Variants in BMP10 observed in about 807,000 individuals in gnomAD.
The protein encoded by BMP10 is bone morphogenetic protein 10.
In BMP10, 9 loss-of-function variants were observed where a neutral mutation model predicts 29.9. The ratio of observed to expected loss-of-function variants is 0.30; its 90% CI spans 0.18 to 0.53. The LOEUF (loss-of-function observed/expected upper bound fraction) is 0.53, where lower values mean the gene tolerates loss of function less well. BMP10 is among the 20% of genes least tolerant of loss of function. The pLI is 0.96. For synonymous variants in BMP10, 202 were observed against 200.2 expected, an observed-to-expected ratio of 1.01 and a Z score of -0.07; for missense variants, 474 against 524.3, an observed-to-expected ratio of 0.90 and a Z score of 0.94.
chr2:68,869,234 A>AGCAGTCCTAGGAATTGAGG (rs71245652), intron 1 of BMP10, among the ~76,000 whole-genome samples: 3 of 151,814 alleles, frequency 2.0e-5, no homozygotes, highest in Admixed American at 1.3e-4. Flanking sequence ...GTGATAAAGG[A>AGCAGTCCTAGGAATTGAGG]GCACGCTTTT....
At position 68,862,317 on chromosome 2, in the gene BMP10, A is replaced by G. The variant is rs953527569; in HGVS notation, c.*3314T>C. On this transcript the variant is annotated 3_prime_UTR_variant, in exon 2 of 2. Coordinates refer to ENST00000295379, the MANE Select transcript of BMP10 (RefSeq NM_014482.3). Reference sequence around the variant, plus strand: ...TTCCTTAAACCAATAGAATATTCTGATGCAAAAAGAGAGAGATGGAAATAC... The same window carrying G: ...TTCCTTAAACCAATAGAATATTCTGGTGCAAAAAGAGAGAGATGGAAATAC... Among the ~76,000 whole-genome samples the G allele has an allele frequency of 1.1e-4, 17 of 152,200 alleles. No homozygotes were observed. The highest frequency in any genetic ancestry group is 4.1e-4 in the African/African-American group (17 of 41,438).
At chr2:68,867,597 C>T (rs1037801724) in intron 1 of BMP10, among the ~76,000 whole-genome samples, 1 of 152,160 alleles carries the variant, frequency 6.6e-6, no homozygotes. Flanking sequence ...TCACAGTGAG[C>T]CCAAAGCTCC....
At position 68,866,588 on chromosome 2, in the gene BMP10, G is replaced by C. The variant is rs766182184; in HGVS notation, c.335-17C>G. 6.3e-7 allele frequency: 1 copy of C among 1,590,990 alleles called. No homozygotes were observed. The highest frequency in any genetic ancestry group is 1.1e-5 in the South Asian group (1 of 89,308). On this transcript the variant is annotated splice_polypyrimidine_tract_variant and intron_variant, in intron 1 of 1. Transcript: ENST00000295379. ...AAAACAGATCTGAAAAAAGAAATTTGCAAAAATCAGGTTTGCAGTGGGTCT... is the reference window on the plus strand; with the variant it reads ...AAAACAGATCTGAAAAAAGAAATTTCCAAAAATCAGGTTTGCAGTGGGTCT...
At position 68,863,482 on chromosome 2, in the gene BMP10, A is replaced by C. The variant is rs910871035; in HGVS notation, c.*2149T>G. ...ATACATTGTGTACCATGGAGTATGA[A>C]GGATGCACCACGTTCCACTGAGGGT... On this transcript the variant is annotated 3_prime_UTR_variant, in exon 2 of 2. Transcript: ENST00000295379. 6.6e-6 allele frequency among the ~76,000 whole-genome samples: 1 copy of C among 152,200 alleles called. No homozygotes were observed. Among genetic ancestry groups the C allele is most frequent in the Admixed American group, 6.5e-5 (1 of 15,280 alleles).
At chr2:68,869,878 T>C (rs1683036866) in intron 1 of BMP10, among the ~76,000 whole-genome samples, 1 of 152,232 alleles carries the variant, frequency 6.6e-6, no homozygotes, top group African/African-American at 2.4e-5. Flanking sequence ...CACTAAAGTT[T>C]GATCAGCACT....
chr2:68,869,922 C>T (rs761225162), intron 1 of BMP10, among the ~76,000 whole-genome samples: 3 of 152,068 alleles, frequency 2.0e-5, no homozygotes, highest in Non-Finnish European at 4.4e-5. Flanking sequence ...TATCTGTAAC[C>T]TCCTTTGAGT....
At position 68,866,581 on chromosome 2, in the gene BMP10, G is replaced by A. The variant is rs933745971; in HGVS notation, c.335-10C>T. On this transcript the variant is annotated splice_polypyrimidine_tract_variant and intron_variant, in intron 1 of 1. Transcript: ENST00000295379. The stretch of plus-strand genomic sequence containing the variant: ...GGCTGGGAAAACAGATCTGAAAAAA[G>A]AAATTTGCAAAAATCAGGTTTGCAG... The A allele has an allele frequency of 2.5e-6, 4 of 1,595,752 alleles. No homozygotes were observed. Among genetic ancestry groups the A allele is most frequent in the Admixed American group, 3.4e-5 (2 of 58,160 alleles).
rs1682851186 is a variant in BMP10 at position 68,861,373 on chromosome 2, CA to C, written c.*4257del. ...ATAAAAACATGCTGATCACAACAAA[CA>C]GTTATTCCATGATGGGTTTTTAACT... On this transcript the variant is annotated 3_prime_UTR_variant, in exon 2 of 2. Coordinates refer to ENST00000295379, the MANE Select transcript of BMP10 (RefSeq NM_014482.3). Among the ~76,000 whole-genome samples, 1 of 152,222 alleles carries C rather than the reference CA, an allele frequency of 6.6e-6. No individual in the cohort carries two copies. The highest frequency in any genetic ancestry group is 2.1e-4 in the South Asian group (1 of 4,834).
At chr2:68,867,710 A>T (rs1366774899) in intron 1 of BMP10, among the ~76,000 whole-genome samples, 1 of 151,982 alleles carries the variant, frequency 6.6e-6, no homozygotes, top group African/African-American at 2.4e-5. Flanking sequence ...AGGACCACCA[A>T]CTGGGGGTTC....
Position 68,871,113 on chromosome 2 carries a change from T to C in BMP10, c.246A>G (p.Pro82=). 3.7e-6 allele frequency: 6 copies of C among 1,614,184 alleles called. No homozygotes were observed. Among genetic ancestry groups the C allele is most frequent in the Non-Finnish European group, 4.2e-6 (5 of 1,180,026 alleles). Residue 82 remains proline (P), a synonymous_variant, in exon 1 of 2, where the codon CCA becomes CCG. Transcript: ENST00000295379. ...TGTTGTAGAGTTCCAACATGTACTC[T>C]GGTGGGTCCACCTTGGCTGAATCCT... ...PTQDSAKVDP[P]EYMLELYNKF...
chr2:68,864,963 G>T lies in BMP10; in HGVS notation c.*668C>A, dbSNP rs1682924462. ...TGTTTTCCTGCCTTGACCAGGAGTT[G>T]CCCTCTGGAGCACATTGGTCCTCCA... On this transcript the variant is annotated 3_prime_UTR_variant, in exon 2 of 2. Transcript: ENST00000295379. 6.6e-6 allele frequency among the ~76,000 whole-genome samples: 1 copy of T among 152,150 alleles called. No homozygotes were observed. Among genetic ancestry groups the T allele is most frequent in the African/African-American group, 2.4e-5 (1 of 41,438 alleles).
At position 68,863,391 on chromosome 2, in the gene BMP10, G is replaced by A. The variant is rs1682897884; in HGVS notation, c.*2240C>T. ...AACCAGGACTATCCTGGTCAGCTGAGGTTTTACTGTGTATGTATTACAGTG... is the reference window on the plus strand; with the variant it reads ...AACCAGGACTATCCTGGTCAGCTGAAGTTTTACTGTGTATGTATTACAGTG... On this transcript the variant is annotated 3_prime_UTR_variant, in exon 2 of 2. Coordinates refer to ENST00000295379, the MANE Select transcript of BMP10 (RefSeq NM_014482.3). 6.6e-6 allele frequency among the ~76,000 whole-genome samples: 1 copy of A among 152,118 alleles called. No homozygotes were observed. Among genetic ancestry groups the A allele is most frequent in the Non-Finnish European group, 1.5e-5 (1 of 68,014 alleles).
rs377683224 is a variant in BMP10, at chr2:68,871,072, C to T, written c.287G>A (p.Arg96Gln). ...GATGTTGGCAGAGGGCATGGAGGTC[C>T]GATCTGTTGCAAATTTGTTGTAGAG... ...LELYNKFATD[R>Q]TSMPSANIIR... Residue 96 changes from arginine (R) to glutamine (Q), a missense_variant, in exon 1 of 2, where the codon CGG becomes CAG. This residue lies in a region of BMP10 where 408 missense variants were observed against 415.3 expected (regional missense o/e 0.98). Transcript: ENST00000295379. 33 of 1,613,856 alleles carry T rather than the reference C, an allele frequency of 2.0e-5. No homozygotes were observed. The highest frequency in any genetic ancestry group is 1.6e-4 in the East Asian group (7 of 44,902).
rs79304473 is a variant in BMP10 at position 68,864,543 on chromosome 2, G to C, written c.*1088C>G. ...AAGAGCAGGGACACAGGGATGGGAG[G>C]AAGGTGAGAGGCACTAGGGCCAAGA... is the stretch of plus-strand genomic sequence containing the variant. On this transcript the variant is annotated 3_prime_UTR_variant, in exon 2 of 2. Transcript: ENST00000295379. 3.3e-3 allele frequency among the ~76,000 whole-genome samples: 504 copies of C among 152,214 alleles called. 2 individuals are homozygous for C. Among genetic ancestry groups the C allele is most frequent in the African/African-American group, 0.011 (470 of 41,536 alleles).
At position 68,861,451 on chromosome 2, in the gene BMP10, G is replaced by C. The variant is rs1682852434; in HGVS notation, c.*4180C>G. 6.6e-6 allele frequency among the ~76,000 whole-genome samples: 1 copy of C among 152,162 alleles called. No individual in the cohort carries two copies. Among genetic ancestry groups the C allele is most frequent in the African/African-American group, 2.4e-5 (1 of 41,438 alleles). ...CACCCCTGTGTACTTCTCTTCCATA[G>C]TCACATCTACCTTCCATTTAATGTA... On this transcript the variant is annotated 3_prime_UTR_variant, in exon 2 of 2. Coordinates refer to ENST00000295379, the MANE Select transcript of BMP10 (RefSeq NM_014482.3).
Position 68,866,231 on chromosome 2 carries a change from C to T in BMP10, c.675G>A (p.Glu225=), listed in dbSNP as rs369259498. Residue 225 remains glutamate, a synonymous_variant, in exon 2 of 2, where the codon GAG becomes GAA. Transcript: ENST00000295379. ...SSTHQLEVHI[E]SKHDEAEDAS... ...CATCCTCAGCTTCATCGTGTTTGCT[C>T]TCAATGTGGACCTCCAGCTGGTGGG... 2.0e-5 allele frequency: 33 copies of T among 1,613,944 alleles called. No individual in the cohort carries two copies. The African/African-American group carries it at 2.1e-4, about 10-fold the overall frequency.
chr2:68,866,598 G>A lies in BMP10; in HGVS notation c.335-27C>T, dbSNP rs753808239. Reference sequence around the variant, plus strand: ...TGAAAAAAGAAATTTGCAAAAATCAGGTTTGCAGTGGGTCTCAGGGAAAAA... The same window carrying A: ...TGAAAAAAGAAATTTGCAAAAATCAAGTTTGCAGTGGGTCTCAGGGAAAAA... On this transcript the variant is annotated intron_variant, in intron 1 of 1. Transcript: ENST00000295379. The A allele has an allele frequency of 6.4e-6, 10 of 1,568,378 alleles. No individual in the cohort carries two copies. The South Asian group carries it at 9.0e-5, about 14-fold the overall frequency.
chr2:68,860,980 A>T lies in BMP10; in HGVS notation c.*4651T>A, dbSNP rs1481204058. ...CCATCGGGATATGTTATCAAGTAGA[A>T]ACATGAAAAAGTGGGGAGTGTGCAA... On this transcript the variant is annotated 3_prime_UTR_variant, in exon 2 of 2. Coordinates refer to ENST00000295379, the MANE Select transcript of BMP10 (RefSeq NM_014482.3). Among the ~76,000 whole-genome samples the T allele has an allele frequency of 6.6e-6, 1 of 152,236 alleles. No individual in the cohort carries two copies.
chr2:68,862,606 A>G lies in BMP10; in HGVS notation c.*3025T>C, dbSNP rs1009070773. On this transcript the variant is annotated 3_prime_UTR_variant, in exon 2 of 2. Transcript: ENST00000295379. ...ATGATAATTCTGCAATAAAAGGGGG[A>G]AAAAAACTGGCATGGGACCCAGAAG... 3.9e-5 allele frequency among the ~76,000 whole-genome samples: 6 copies of G among 152,096 alleles called. No individual in the cohort carries two copies. In the East Asian group the frequency reaches 7.7e-4, roughly 20 times the overall value.
Sources: gnomAD v4.1 joint callset for allele counts (sites outside exome capture counted in the v4.1 genomes callset) on GRCh38, gnomAD v4.1.1 for gene constraint, gnomAD v4.1.1 regional missense constraint, MANE v1.5 for transcripts, NCBI Gene and HGNC (gene_info 2026-07-23, HGNC 2026-07-21) for gene names.